The following PAPPA variants were observed in gnomAD, a reference collection of about 807,000 sequenced individuals.
PAPPA encodes the protein pappalysin 1, also known as pappalysin-1.
In PAPPA, 60 loss-of-function variants were observed where a neutral mutation model predicts 164.0. The observed-to-expected ratio is 0.37, with a 90% CI of 0.30 to 0.45. PAPPA has a LOEUF of 0.45. Among genes scored for constraint, PAPPA ranks in the 20% least tolerant of loss-of-function variants. The pLI is 1.00. For missense variants in PAPPA, 1,782 were observed against 2,087.3 expected (o/e 0.85, Z 2.85); for synonymous variants, 875 against 814.1 (o/e 1.07, Z -1.27).
rs1845135101 is a variant in PAPPA at position 116,271,451 on chromosome 9, G to T, written c.2953+35G>T. ...TTTCATTTCTTGTGGCCTTCATGAAGAAATGAACGGTGCAGAATGGTTGGT... is the reference window on the plus strand; with the variant it reads ...TTTCATTTCTTGTGGCCTTCATGAATAAATGAACGGTGCAGAATGGTTGGT... On this transcript the variant is annotated intron_variant, in intron 9 of 21. Coordinates refer to ENST00000328252, the MANE Select transcript of PAPPA (RefSeq NM_002581.5). This position sits in a 1 kb window ranked among gnomAD's most constrained non-coding sequence, Gnocchi z 4.2. The T allele has an allele frequency of 7.1e-7, 1 of 1,402,244 alleles. No individual in the cohort carries two copies. Among genetic ancestry groups the T allele is most frequent in the African/African-American group, 1.4e-5 (1 of 70,844 alleles). 86.9% of individuals were successfully genotyped at this position (1,402,244 alleles called of 1,614,324 possible).
At chr9:116,210,924 C>T (rs566916604) in intron 3 of PAPPA, among the ~76,000 whole-genome samples, 2 of 152,130 alleles carry the variant, frequency 1.3e-5, no homozygotes, top group Non-Finnish European at 2.9e-5. Flanking sequence ...ACCTCACAAA[C>T]TTCTTTAGAT....
rs8456 is a variant in PAPPA, at chr9:116,396,535, T to C, written c.4803T>C (p.Asp1601=). The C allele has an allele frequency of 0.7, 544,104 of 780,526 alleles. 190,518 individuals are homozygous for C. Among genetic ancestry groups the C allele is most frequent in the South Asian group, 0.74 (55,199 of 74,590 alleles). 48.4% of individuals were successfully genotyped at this position (780,526 alleles called of 1,614,324 possible). The change falls in exon 22 of 22, where the codon GAT becomes GAC. Residue 1601 remains aspartate (D), a synonymous_variant. Transcript: ENST00000328252. ...KKVTPFPMSC[D]LQGDCACRDP... ...TCACCCCATTCCCTATGTCCTGTGA[T>C]CTACAAGGTGACTGTGCTTGTCGGG...
Position 116,367,682 on chromosome 9 carries a change from C to T in PAPPA, c.4533C>T (p.Ser1511=), listed in dbSNP as rs199676889. 11 of 1,614,036 alleles carry T rather than the reference C, an allele frequency of 6.8e-6. No individual in the cohort carries two copies. Among genetic ancestry groups the T allele is most frequent in the East Asian group, 4.5e-5 (2 of 44,878 alleles). ...ECATSCLDHN[S]ESIILPMNVT... ...CCACCTCGTGCCTGGACCACAACAG[C>T]GAGTCCATCATCCTGCCAATGAACG... Residue 1511 remains serine, a synonymous_variant, in exon 19 of 22, where the codon AGC becomes AGT. Transcript: ENST00000328252.
At chr9:116,238,979 C>A (rs1844706077) in intron 7 of PAPPA, among the ~76,000 whole-genome samples, 1 of 152,126 alleles carries the variant, frequency 6.6e-6, no homozygotes, top group Non-Finnish European at 1.5e-5. Flanking sequence ...GGCTCTTATA[C>A]AAGTTCTATA....
chr9:116,347,268 G>T lies in PAPPA; in HGVS notation c.3964+59G>T. 1.4e-6 allele frequency: 2 copies of T among 1,469,848 alleles called. No individual in the cohort carries two copies. Among genetic ancestry groups the T allele is most frequent in the Non-Finnish European group, 9.2e-7 (1 of 1,082,214 alleles). 91.1% of individuals were successfully genotyped at this position (1,469,848 alleles called of 1,614,324 possible). On this transcript the variant is annotated intron_variant, in intron 15 of 21. Coordinates refer to ENST00000328252, the MANE Select transcript of PAPPA (RefSeq NM_002581.5). The surrounding 1 kb of genome is among the most constrained non-coding windows in gnomAD (Gnocchi z 4.5). ...TTTGTCTATGGGAAACCTAGAAGCT[G>T]CATCCAGGCCCTCTTTCTGGGTCTC...
chr9:116,230,907 G>A (rs1409141551), intron 6 of PAPPA, among the ~76,000 whole-genome samples: 1 of 152,046 alleles, frequency 6.6e-6, no homozygotes, highest in African/African-American at 2.4e-5. Context: ...CCCAAGTGTT[G>A]GGTTTTCCAT....
chr9:116,324,517 C>T (rs1224777620), intron 10 of PAPPA, among the ~76,000 whole-genome samples: 1 of 150,996 alleles, frequency 6.6e-6, no homozygotes, highest in Non-Finnish European at 1.5e-5. Flanking sequence ...AAACATGCTT[C>T]TCACCTTGGA....
intron 9 of PAPPA, among the ~76,000 whole-genome samples, chr9:116,292,274 G>A (rs570749580): frequency 3.3e-5 from 5 of 152,180 alleles, no homozygotes; most frequent in Admixed American, 6.5e-5. Context: ...CGTAGTTTAC[G>A]TTTTTAGAAG....
chr9:116,349,009 C>A (rs1253402898), intron 15 of PAPPA, among the ~76,000 whole-genome samples: 2 of 151,970 alleles, frequency 1.3e-5, no homozygotes, highest in African/African-American at 4.8e-5. Flanking sequence ...AGCTTGAAAT[C>A]CTTTCTGCCC....
chr9:116,211,579 G>A, intron 3 of PAPPA, 60 bp from the exon 4 acceptor site: 1 of 1,471,808 alleles, frequency 6.8e-7, no homozygotes, highest in East Asian at 2.3e-5. Context: ...GGACTTGGGG[G>A]TTCTTGCACC....
intron 10 of PAPPA, among the ~76,000 whole-genome samples, chr9:116,322,316 A>T (rs1012219513): frequency 2.0e-5 from 3 of 150,648 alleles, no homozygotes; most frequent in African/African-American, 7.3e-5. Context: ...GGGTGGAGGC[A>T]GGAGAACCGC....
chr9:116,365,476 G>A (rs1223195392), intron 18 of PAPPA, among the ~76,000 whole-genome samples: 2 of 152,020 alleles, frequency 1.3e-5, no homozygotes, highest in African/African-American at 4.8e-5. Context: ...GAGCCTGGGG[G>A]AGGGAGACGC....
intron 1 of PAPPA, among the ~76,000 whole-genome samples, chr9:116,178,187 A>G (rs1249962511): frequency 2.6e-5 from 4 of 152,166 alleles, no homozygotes; most frequent in African/African-American, 9.7e-5. Flanking sequence ...GCTTACTGCA[A>G]TCTCTGCCTC....
At chr9:116,278,109 C>T (rs748246634) in intron 9 of PAPPA, among the ~76,000 whole-genome samples, 6 of 151,974 alleles carry the variant, frequency 3.9e-5, no homozygotes, top group Non-Finnish European at 5.9e-5. Context: ...ACATAGCAGA[C>T]GTGAGATTCA....
intron 9 of PAPPA, among the ~76,000 whole-genome samples, chr9:116,288,031 CA>C (rs1469087689): frequency 6.6e-6 from 1 of 152,138 alleles, no homozygotes; most frequent in East Asian, 1.9e-4. Flanking sequence ...TCAAAAAGGG[CA>C]GTGGTTTTGA....
intron 20 of PAPPA, among the ~76,000 whole-genome samples, chr9:116,380,989 A>G (rs574592443): frequency 1.3e-5 from 2 of 152,342 alleles, no homozygotes; most frequent in South Asian, 2.1e-4. Flanking sequence ...TTTCCCATGA[A>G]TGAGTCACTG....
At chr9:116,305,999 T>C (rs1187502383) in intron 10 of PAPPA, among the ~76,000 whole-genome samples, 1 of 152,226 alleles carries the variant, frequency 6.6e-6, no homozygotes, top group Non-Finnish European at 1.5e-5. Context: ...TGTTCCATGA[T>C]GCCCTGGAGT....
chr9:116,175,404 T>C (rs1270860886), intron 1 of PAPPA, among the ~76,000 whole-genome samples: 1 of 152,208 alleles, frequency 6.6e-6, no homozygotes, highest in Non-Finnish European at 1.5e-5. Context: ...AAAATTCTAA[T>C]AAGCATGTAA....
At chr9:116,155,463 T>C (rs999578848) in intron 1 of PAPPA, among the ~76,000 whole-genome samples, 2 of 152,158 alleles carry the variant, frequency 1.3e-5, no homozygotes, top group Non-Finnish European at 2.9e-5. Context: ...TTAATAAAAC[T>C]GGGGAGCGGA....
Sources: allele counts gnomAD v4.1 joint callset (sites outside exome capture counted in the v4.1 genomes callset), GRCh38; gene constraint gnomAD v4.1.1; non-coding constraint Gnocchi (gnomAD v3.1); transcripts MANE v1.5; gene names NCBI Gene and HGNC (gene_info 2026-07-23, HGNC 2026-07-21).